The following PLXNC1 variants were observed in gnomAD, a reference collection of about 807,000 sequenced individuals.
PLXNC1 encodes plexin-C1.
A neutral mutation model predicts 178.2 loss-of-function variants in PLXNC1; 75 were observed. That is an observed-to-expected ratio of 0.42 (90% CI 0.35 to 0.51). The LOEUF (loss-of-function observed/expected upper bound fraction) is 0.51, where lower values mean the gene tolerates loss of function less well. Ranked by LOEUF, PLXNC1 falls within the 20% of genes least tolerant of loss-of-function variation. PLXNC1 has a pLI of 0.02. For missense variants in PLXNC1, 1,503 were observed against 1,984.4 expected (o/e 0.76, Z 4.61); for synonymous variants, 790 against 779.9 (o/e 1.01, Z -0.22).
Position 94,305,826 on chromosome 12 carries a change from T to TGTGA in PLXNC1, c.*545_*548dup, listed in dbSNP as rs1163191997. ...AATTTGGTAGTGTACACTTAGCATT[T>TGTGA]GTGAGTGTGTGTGTGTGTTTAAACC... On this transcript the variant is annotated 3_prime_UTR_variant, in exon 31 of 31. Transcript: ENST00000258526. 1.3e-5 allele frequency: 2 copies of TGTGA among 152,520 alleles called. No homozygotes were observed. Among genetic ancestry groups the TGTGA allele is most frequent in the East Asian group, 1.9e-4 (1 of 5,190 alleles). The allele number at this position is 152,520 out of a possible 1,614,324, so 9.4% of individuals were successfully genotyped here. A position where few individuals can be genotyped will look rare whatever the true frequency, so the allele number is the denominator to read the frequency against.
At chr12:94,232,810 A>G (rs1191104175) in intron 9 of PLXNC1, among the ~76,000 whole-genome samples, 1 of 152,212 alleles carries the variant, frequency 6.6e-6, no homozygotes, top group Non-Finnish European at 1.5e-5. Flanking sequence ...AGAGTATCTA[A>G]GCCTCACAAT....
In PLXNC1 at chr12:94,251,291, A is replaced by T. The variant is rs148984281; in HGVS notation, c.2779-135A>T. On this transcript the variant is annotated intron_variant, in intron 14 of 30. Coordinates refer to ENST00000258526, the MANE Select transcript of PLXNC1 (RefSeq NM_005761.3). The stretch of plus-strand genomic sequence containing the variant: ...GACACATAGCTAATCTGCCACAGAA[A>T]TGAGAGTTGAACTCAGATATCCTAC... 1.6e-3 allele frequency: 1,023 copies of T among 624,568 alleles called. 7 individuals carry two copies. The East Asian group carries it at 0.026, about 16-fold the overall frequency. 38.7% of individuals were successfully genotyped at this position (624,568 alleles called of 1,614,324 possible).
intron 9 of PLXNC1, among the ~76,000 whole-genome samples, chr12:94,235,433 A>G (rs936245821): frequency 2.0e-5 from 3 of 152,240 alleles, no homozygotes; most frequent in African/African-American, 7.2e-5. Flanking sequence ...TTGAGCAGAC[A>G]TCAACAGTAT....
At chr12:94,294,993 GGA>G (rs148870451) in intron 24 of PLXNC1, among the ~76,000 whole-genome samples, 3,921 of 152,276 alleles carry the variant, frequency 0.026, 186 homozygotes, top group African/African-American at 0.09. Flanking sequence ...CCCAGAAATT[GGA>G]GAGAGACAAA....
intron 2 of PLXNC1, among the ~76,000 whole-genome samples, chr12:94,177,503 CAAAGAAAGAAAGAGAGAGAGAGGGAG>C (rs968135615): frequency 5.4e-5 from 6 of 111,648 alleles, no homozygotes; most frequent in Admixed American, 9.1e-5. Flanking sequence ...GAAAGAAAAA[CAAAGAAAGAAAGAGAGAGAGAGGGAG>C]AAAGAAAGAA....
chr12:94,278,129 T>C (rs1966122656), intron 21 of PLXNC1: 1 of 409,832 alleles, frequency 2.4e-6, no homozygotes, highest in Non-Finnish European at 4.8e-6. Flanking sequence ...CCTGTTAGAC[T>C]CTCCGCTCCT....
At chr12:94,221,333 C>T (rs905815568) in intron 6 of PLXNC1, among the ~76,000 whole-genome samples, 6 of 151,954 alleles carry the variant, frequency 3.9e-5, no homozygotes, top group South Asian at 4.2e-4. Flanking sequence ...TTGGAGGGGT[C>T]CAAGTGAGAG....
chr12:94,259,217 C>T (rs1266279760), intron 17 of PLXNC1, 120 bp from the exon 18 acceptor site: 15 of 693,782 alleles, frequency 2.2e-5, no homozygotes, highest in Middle Eastern at 3.2e-4. Context: ...AACCCAGGGG[C>T]GCTTCAGATT....
chr12:94,305,734 T>A lies in PLXNC1; in HGVS notation c.*449T>A, dbSNP rs1282985256. The A allele has an allele frequency of 6.5e-6, 1 of 153,412 alleles. No homozygotes were observed. Among genetic ancestry groups the A allele is most frequent in the African/African-American group, 2.4e-5 (1 of 41,470 alleles). The allele number at this position is 153,412 out of a possible 1,614,324, so 9.5% of individuals were successfully genotyped here. A position where few individuals can be genotyped will look rare whatever the true frequency, so the allele number is the denominator to read the frequency against. Reference sequence around the variant, plus strand: ...TCATTTGGAAACAAGGTGGGGGTGTTAGGGCAACCTCGAGGATTTGCAGCA... The same window carrying A: ...TCATTTGGAAACAAGGTGGGGGTGTAAGGGCAACCTCGAGGATTTGCAGCA... On this transcript the variant is annotated 3_prime_UTR_variant, in exon 31 of 31. Transcript: ENST00000258526.
rs570673125 is a variant in PLXNC1 at position 94,294,427 on chromosome 12, T to C, written c.3880-59T>C. On this transcript the variant is annotated intron_variant, in intron 23 of 30. Transcript: ENST00000258526. ...TCCATCCAGCCATCTAATTCCTGGG[T>C]GAAGTTGAGAAATCCATTAAATTTT... 1.7e-5 allele frequency: 12 copies of C among 721,560 alleles called. 1 individual carries two copies. In the South Asian group the frequency reaches 1.9e-4, roughly 11 times the overall value. 44.7% of individuals were successfully genotyped at this position (721,560 alleles called of 1,614,324 possible).
At chr12:94,186,687 C>T in intron 4 of PLXNC1, 2 of 493,756 alleles carry the variant, frequency 4.1e-6, no homozygotes, top group Non-Finnish European at 7.5e-6. Flanking sequence ...GCTCCCCAGT[C>T]TCGGGGCGGG....
intron 12 of PLXNC1, among the ~76,000 whole-genome samples, chr12:94,247,176 C>T (rs536181312): frequency 5.4e-4 from 82 of 152,168 alleles, no homozygotes; most frequent in African/African-American, 1.4e-3. Context: ...TTTCCCACAG[C>T]GCTGGGATTA....
chr12:94,277,816 C>A (rs1880936), intron 21 of PLXNC1: 7 of 387,592 alleles, frequency 1.8e-5, no homozygotes, highest in Admixed American at 2.9e-5. Context: ...AGCCTGGCCC[C>A]GTGCTAAGCC....
At chr12:94,275,033 C>T (rs999308435) in intron 21 of PLXNC1, among the ~76,000 whole-genome samples, 3 of 152,162 alleles carry the variant, frequency 2.0e-5, no homozygotes, top group East Asian at 3.8e-4. Context: ...TAAGGCTCAG[C>T]GAAGTTAGAC....
chr12:94,266,549 C>CTA (rs1005914606), intron 21 of PLXNC1, among the ~76,000 whole-genome samples: 4 of 152,222 alleles, frequency 2.6e-5, no homozygotes, highest in Admixed American at 2.0e-4. Context: ...ATTCACTTCC[C>CTA]TAACCAGCTT....
Position 94,249,471 on chromosome 12 carries a change from T to C in PLXNC1, c.2778+1059T>C, listed in dbSNP as rs187279652. Among the ~76,000 whole-genome samples, 91 of 152,250 alleles carry C rather than the reference T, an allele frequency of 6.0e-4. No individual in the cohort carries two copies. In the East Asian group the frequency reaches 0.016, roughly 27 times the overall value. On this transcript the variant is annotated intron_variant, in intron 14 of 30. Coordinates refer to ENST00000258526, the MANE Select transcript of PLXNC1 (RefSeq NM_005761.3). ...CTGGTCCCAAACTCCTTGCCTCAAG[T>C]GATCTGCCTGCCTCGGCCTCCCAAA...
At chr12:94,228,619 A>G (rs930990925) in intron 9 of PLXNC1, among the ~76,000 whole-genome samples, 3 of 152,086 alleles carry the variant, frequency 2.0e-5, no homozygotes, top group South Asian at 4.2e-4. Flanking sequence ...TTTTGTCTCT[A>G]TGAATTTGAC....
intron 28 of PLXNC1, 57 bp from the exon 29 acceptor site, chr12:94,303,693 CTTTTTT>C: frequency 4.0e-5 from 28 of 699,028 alleles, no homozygotes; most frequent in East Asian, 2.5e-4. Context: ...ATTCCTCCAT[CTTTTTT>C]TTTTTTTTTT....
At chr12:94,184,881 A>G (rs1962453961) in intron 3 of PLXNC1, among the ~76,000 whole-genome samples, 1 of 152,240 alleles carries the variant, frequency 6.6e-6, no homozygotes, top group African/African-American at 2.4e-5. Flanking sequence ...GAGGCTCAGC[A>G]TAGTCAAAGG....
Sources: gnomAD v4.1 joint callset for allele counts (sites outside exome capture counted in the v4.1 genomes callset) on GRCh38, gnomAD v4.1.1 for gene constraint, MANE v1.5 for transcripts, NCBI Gene and HGNC (gene_info 2026-07-23, HGNC 2026-07-21) for gene names.